Variants in RFX7 observed in about 807,000 individuals in gnomAD.
RFX7 encodes the protein DNA-binding protein RFX7.
A neutral mutation model predicts 111.8 loss-of-function variants in RFX7; 26 were observed. The observed-to-expected ratio is 0.23, with a 90% CI of 0.17 to 0.32. The LOEUF (loss-of-function observed/expected upper bound fraction) is 0.32, where lower values mean the gene tolerates loss of function less well. RFX7 is among the 10% of genes least tolerant of loss of function. The pLI is 1.00. For synonymous variants in RFX7, 624 were observed against 624.4 expected, an observed-to-expected ratio of 1.00 and a Z score of 0.01; for missense variants, 1,573 against 1,772.9, an observed-to-expected ratio of 0.89 and a Z score of 2.02.
At chr15:56,118,720 A>G (rs116140504) in intron 5 of RFX7, among the ~76,000 whole-genome samples, 10,779 of 152,244 alleles carry the variant, frequency 0.071, 461 homozygotes, top group Non-Finnish European at 0.1. Flanking sequence ...TAGCAGTGGT[A>G]TTGCTAGATC....
At chr15:56,149,479 T>C (rs2042537111) in intron 3 of RFX7, among the ~76,000 whole-genome samples, 1 of 152,184 alleles carries the variant, frequency 6.6e-6, no homozygotes, top group Non-Finnish European at 1.5e-5. Flanking sequence ...GGCGGGTGAT[T>C]TCTGCACTTC....
chr15:56,205,240 A>C (rs1160412763), intron 2 of RFX7, among the ~76,000 whole-genome samples: 1 of 152,216 alleles, frequency 6.6e-6, no homozygotes, highest in African/African-American at 2.4e-5. Context: ...AATTGCCAGT[A>C]GCAGGAAACT....
upstream of RFX7, chr15:56,243,968 G>GGGATGGGGGCGCACGGCGC (rs1184707931): frequency 1.3e-5 from 2 of 150,060 alleles, no homozygotes; most frequent in Non-Finnish European, 3.0e-5. Flanking sequence ...GCGACGGGCC[G>GGGATGGGGGCGCACGGCGC]GGATGGGGGC....
chr15:56,235,271 G>T (rs2043610646), intron 2 of RFX7, among the ~76,000 whole-genome samples: 1 of 151,848 alleles, frequency 6.6e-6, no homozygotes, highest in African/African-American at 2.4e-5. Context: ...CTTTTCCCAG[G>T]TTCAAGCGAT....
At chr15:56,213,983 C>A (rs535768137) in intron 2 of RFX7, among the ~76,000 whole-genome samples, 1 of 152,016 alleles carries the variant, frequency 6.6e-6, no homozygotes, top group African/African-American at 2.4e-5. Flanking sequence ...ATTGATAGCC[C>A]GTGATCTTAG....
At position 56,094,143 on chromosome 15, in the gene RFX7, G is replaced by A. The variant is rs779076994; in HGVS notation, c.3585C>T (p.Pro1195=). The A allele has an allele frequency of 1.2e-6, 2 of 1,614,008 alleles. No homozygotes were observed. The highest frequency in any genetic ancestry group is 2.2e-5 in the East Asian group (1 of 44,888). ...VSNIPRSNVT[P]FGSPVTPEVH... is the part of the protein sequence containing the mutation. ...CTTCTGGGGTAACTGGACTTCCAAA[G>A]GGGGTCACATTAGATCGTGGGATAT... The change falls in exon 10 of 10, where the codon CCC becomes CCT. Residue 1195 remains proline (P), a synonymous_variant. Coordinates refer to ENST00000559447, the MANE Select transcript of RFX7 (RefSeq NM_022841.7).
At chr15:56,144,978 A>G (rs2042449358) in intron 3 of RFX7, among the ~76,000 whole-genome samples, 1 of 152,180 alleles carries the variant, frequency 6.6e-6, no homozygotes, top group African/African-American at 2.4e-5. Context: ...TGATGGTGCT[A>G]CTGTTACCTG....
At chr15:56,210,724 TGAGA>T (rs1236081914) in intron 2 of RFX7, among the ~76,000 whole-genome samples, 4 of 152,076 alleles carry the variant, frequency 2.6e-5, no homozygotes, top group Non-Finnish European at 4.4e-5. Flanking sequence ...GAAGAAATTT[TGAGA>T]GAAATTGTAA....
At chr15:56,178,497 TTCCCAAG>T (rs1254780788) in intron 3 of RFX7, among the ~76,000 whole-genome samples, 1 of 152,108 alleles carries the variant, frequency 6.6e-6, no homozygotes, top group Non-Finnish European at 1.5e-5. Flanking sequence ...ATAAGAGAAC[TTCCCAAG>T]TCACAAGTGG....
rs577045145 is a variant in RFX7 at position 56,155,487 on chromosome 15, C to T, written c.196-11004G>A. ...CAGGGACATGGATGAAGCTGGAAAC[C>T]GTCATTCTCAGCAAACTATCACAAG... On this transcript the variant is annotated intron_variant, in intron 3 of 9. Coordinates refer to ENST00000559447, the MANE Select transcript of RFX7 (RefSeq NM_022841.7). 7.2e-5 allele frequency among the ~76,000 whole-genome samples: 11 copies of T among 152,258 alleles called. No individual in the cohort carries two copies. In the South Asian group the frequency reaches 1.5e-3, roughly 20 times the overall value.
chr15:56,243,545 T>C lies in RFX7; in HGVS notation c.-103A>G, dbSNP rs2043744671. 1 of 976,254 alleles carries C rather than the reference T, an allele frequency of 1.0e-6. No homozygotes were observed. Among genetic ancestry groups the C allele is most frequent in the Non-Finnish European group, 1.2e-6 (1 of 826,302 alleles). The allele number at this position is 976,254 out of a possible 1,614,324, so 60.5% of individuals were successfully genotyped here. ...GGGGCGCTTCACCGCGGGAGAGGCA[T>C]GGCGGCGCCCCTCAGCCCCCCGCTG... On this transcript the variant is annotated 5_prime_UTR_variant, in exon 1 of 10. The change abolishes an upstream ATG in the 5' untranslated region. Transcript: ENST00000559447.
chr15:56,164,299 C>T (rs1206694140), intron 3 of RFX7, among the ~76,000 whole-genome samples: 1 of 152,194 alleles, frequency 6.6e-6, no homozygotes, highest in Non-Finnish European at 1.5e-5. Flanking sequence ...GGTCCATCTA[C>T]AGGGTCAGTA....
At chr15:56,227,899 T>C (rs148485390) in intron 2 of RFX7, among the ~76,000 whole-genome samples, 130 of 152,308 alleles carry the variant, frequency 8.5e-4, no homozygotes, top group Non-Finnish European at 1.4e-3. Context: ...GTTCTACCAG[T>C]TGACAAATTC....
chr15:56,190,161 T>A (rs1378180996), intron 2 of RFX7, among the ~76,000 whole-genome samples: 2 of 152,288 alleles, frequency 1.3e-5, no homozygotes, highest in East Asian at 3.9e-4. Context: ...AAGGAAAAAT[T>A]AGAAAAAGTA....
At chr15:56,195,536 T>A (rs1319139478) in intron 2 of RFX7, among the ~76,000 whole-genome samples, 1 of 152,164 alleles carries the variant, frequency 6.6e-6, no homozygotes, top group Non-Finnish European at 1.5e-5. Flanking sequence ...TTTGAAATAG[T>A]CATTGTTCTT....
intron 5 of RFX7, among the ~76,000 whole-genome samples, chr15:56,137,512 C>A (rs1443452225): frequency 6.6e-6 from 1 of 151,742 alleles, no homozygotes; most frequent in Non-Finnish European, 1.5e-5. Flanking sequence ...CTCTTTTTTT[C>A]TTATTAGTCT....
rs1484835699 is a variant in RFX7 at position 56,136,828 on chromosome 15, G to C, written c.401+5950C>G. ...TTTATTGAGAGTTTTTAGCATGAAGGGTTGTTGAATTTTGTCAAAGGCTTT... is the reference window on the plus strand; with the variant it reads ...TTTATTGAGAGTTTTTAGCATGAAGCGTTGTTGAATTTTGTCAAAGGCTTT... On this transcript the variant is annotated intron_variant, in intron 5 of 9. Coordinates refer to ENST00000559447, the MANE Select transcript of RFX7 (RefSeq NM_022841.7). Among the ~76,000 whole-genome samples, 6 of 144,890 alleles carry C rather than the reference G, an allele frequency of 4.1e-5. No individual in the cohort carries two copies. The East Asian group carries it at 6.2e-4, about 15-fold the overall frequency.
chr15:56,162,624 C>T (rs2042734047), intron 3 of RFX7, among the ~76,000 whole-genome samples: 2 of 149,892 alleles, frequency 1.3e-5, no homozygotes, highest in African/African-American at 2.4e-5. Context: ...TTAGTCCACT[C>T]GAGTCCCTAA....
intron 3 of RFX7, among the ~76,000 whole-genome samples, chr15:56,163,869 TG>T (rs2042753044): frequency 6.6e-6 from 1 of 152,210 alleles, no homozygotes; most frequent in Non-Finnish European, 1.5e-5. Flanking sequence ...TATCCTCATA[TG>T]TACCATTATG....
Sources: gnomAD v4.1 joint callset for allele counts (sites outside exome capture counted in the v4.1 genomes callset) on GRCh38, gnomAD v4.1.1 for gene constraint, MANE v1.5 for transcripts, NCBI Gene and HGNC (gene_info 2026-07-23, HGNC 2026-07-21) for gene names.